FAM135B: variants seen among roughly 807,000 people sequenced by gnomAD.
The protein encoded by FAM135B is protein FAM135B.
In FAM135B, 43 loss-of-function variants were observed where a neutral mutation model predicts 127.7. That is an observed-to-expected ratio of 0.34 (90% confidence interval 0.26 to 0.43). The LOEUF (loss-of-function observed/expected upper bound fraction) is 0.43. Ranked by LOEUF, FAM135B falls within the 20% of genes least tolerant of loss-of-function variation. FAM135B has a pLI of 1.00. For missense variants in FAM135B, 1,558 were observed against 1,725.6 expected (o/e 0.90, Z 1.72); for synonymous variants, 670 against 665.1 (o/e 1.01, Z -0.11).
chr8:138,338,530 C>T (rs552552710), intron 2 of FAM135B, among the ~76,000 whole-genome samples: 1 of 151,858 alleles, frequency 6.6e-6, no homozygotes, highest in African/African-American at 2.4e-5. Context: ...CACTGGCCAT[C>T]AGAGAAATGC....
rs775461246 is a variant in FAM135B, at chr8:138,141,377, G to C, written c.3639-28C>G. On this transcript the variant is annotated intron_variant, in intron 16 of 19. Transcript: ENST00000395297. The surrounding 1 kb of genome is among the most constrained non-coding windows in gnomAD (Gnocchi z 4.7). ...GTGGAGAAACAGAAGGGGTACCCAT[G>C]AGTGTGACGGTGAATGCTGCTGCCC... 1.2e-6 allele frequency: 2 copies of C among 1,612,756 alleles called. No individual in the cohort carries two copies. Among genetic ancestry groups the C allele is most frequent in the Non-Finnish European group, 1.7e-6 (2 of 1,179,024 alleles).
chr8:138,241,986 T>C lies in FAM135B; in HGVS notation c.669+956A>G, dbSNP rs1401908612. Among the ~76,000 whole-genome samples the C allele has an allele frequency of 1.3e-5, 2 of 152,178 alleles. No homozygotes were observed. Among genetic ancestry groups the C allele is most frequent in the Non-Finnish European group, 2.9e-5 (2 of 68,042 alleles). On this transcript the variant is annotated intron_variant, in intron 7 of 19. Coordinates refer to ENST00000395297, the MANE Select transcript of FAM135B (RefSeq NM_015912.4). This position sits in a 1 kb window ranked among gnomAD's most constrained non-coding sequence, Gnocchi z 4.8. ...TTGATCTGGGACATCAGTTTTCTCC[T>C]GCCTTTGGACTTAGACTTGCAAGGG...
chr8:138,391,199 T>A (rs1832551317), intron 1 of FAM135B, among the ~76,000 whole-genome samples: 1 of 149,150 alleles, frequency 6.7e-6, no homozygotes, highest in Admixed American at 6.8e-5. Context: ...TGGTCCCAGA[T>A]CAGAGAGACT....
chr8:138,161,210 C>A (rs1466530368), intron 12 of FAM135B, among the ~76,000 whole-genome samples: 12 of 139,198 alleles, frequency 8.6e-5, no homozygotes, highest in Admixed American at 8.3e-4. Context: ...GGCACTCAGA[C>A]CACAGGAAAG....
At chr8:138,250,810 C>T (rs2130481837) in intron 6 of FAM135B, 31 bp downstream of exon 6, 1 of 1,609,402 alleles carries the variant, frequency 6.2e-7, no homozygotes, top group Non-Finnish European at 8.5e-7. Flanking sequence ...AGGTGGCTCC[C>T]ACATATCAGG....
chr8:138,267,984 G>C (rs1236627791), intron 3 of FAM135B, among the ~76,000 whole-genome samples: 2 of 152,192 alleles, frequency 1.3e-5, no homozygotes, highest in African/African-American at 4.8e-5. Flanking sequence ...AAGCCAGAAT[G>C]ACAATGTGGC....
chr8:138,155,858 T>A (rs1484844413), intron 12 of FAM135B, among the ~76,000 whole-genome samples: 2 of 152,058 alleles, frequency 1.3e-5, no homozygotes, highest in Non-Finnish European at 2.9e-5. Context: ...GAGATTTTAA[T>A]ACCCCACTGT....
chr8:138,344,266 T>C (rs1829248493), intron 2 of FAM135B, among the ~76,000 whole-genome samples: 1 of 152,224 alleles, frequency 6.6e-6, no homozygotes, highest in Admixed American at 6.5e-5. Context: ...CCTGTGGGGC[T>C]GCCTGTAATT....
intron 3 of FAM135B, among the ~76,000 whole-genome samples, chr8:138,289,978 G>C (rs984172296): frequency 6.6e-6 from 1 of 152,202 alleles, no homozygotes; most frequent in Non-Finnish European, 1.5e-5. Context: ...AGGAAACGTA[G>C]TTGTCAAATC....
At chr8:138,155,454 T>C (rs891081783) in intron 12 of FAM135B, among the ~76,000 whole-genome samples, 17 of 152,192 alleles carry the variant, frequency 1.1e-4, no homozygotes, top group African/African-American at 4.1e-4. Context: ...AATATTAAAC[T>C]TAAATGTAAA....
At chr8:138,178,393 G>A (rs1055929373) in intron 10 of FAM135B, 142 bp downstream of exon 10, 4 of 887,204 alleles carry the variant, frequency 4.5e-6, no homozygotes, top group Non-Finnish European at 3.4e-6. Context: ...AGTTCACAAC[G>A]CCACCCTGCA....
At chr8:138,415,437 A>C (rs984663727) in intron 1 of FAM135B, among the ~76,000 whole-genome samples, 3 of 152,158 alleles carry the variant, frequency 2.0e-5, no homozygotes, top group African/African-American at 7.2e-5. Context: ...ACAAAGACAA[A>C]TGATTTAATC....
chr8:138,456,016 T>A (rs1836757317), intron 1 of FAM135B, among the ~76,000 whole-genome samples: 1 of 152,188 alleles, frequency 6.6e-6, no homozygotes, highest in Non-Finnish European at 1.5e-5. Context: ...AAATAAATTA[T>A]CTATTCAGAA....
chr8:138,453,803 C>T (rs184252190), intron 1 of FAM135B, among the ~76,000 whole-genome samples: 153 of 152,314 alleles, frequency 1.0e-3, no homozygotes, highest in African/African-American at 3.7e-3. Context: ...TTCCAAGTTA[C>T]TTAAACTTGA....
At chr8:138,200,117 C>A (rs1586754219) in intron 7 of FAM135B, among the ~76,000 whole-genome samples, 1 of 152,190 alleles carries the variant, frequency 6.6e-6, no homozygotes, top group Non-Finnish European at 1.5e-5. Flanking sequence ...AGGGAAGAGA[C>A]CCTCTGTAGA....
intron 3 of FAM135B, among the ~76,000 whole-genome samples, chr8:138,307,837 A>T (rs1057457260): frequency 2.6e-5 from 4 of 152,082 alleles, no homozygotes; most frequent in African/African-American, 9.7e-5. Flanking sequence ...GACATCATTA[A>T]AGTCCAAATG....
At chr8:138,142,776 A>T (rs1172754688) in intron 16 of FAM135B, 1 of 415,944 alleles carries the variant, frequency 2.4e-6, no homozygotes, top group Non-Finnish European at 4.3e-6. Context: ...TTTAAGTCCA[A>T]GACTCTTTCT....
chr8:138,175,339 T>C (rs1406410013), intron 11 of FAM135B, among the ~76,000 whole-genome samples: 4 of 146,616 alleles, frequency 2.7e-5, no homozygotes, highest in Non-Finnish European at 6.0e-5. Context: ...TTTAAACACA[T>C]TGTGTTTCCA....
chr8:138,305,351 T>C (rs1284693934), intron 3 of FAM135B, among the ~76,000 whole-genome samples: 1 of 152,098 alleles, frequency 6.6e-6, no homozygotes, highest in Non-Finnish European at 1.5e-5. Flanking sequence ...CAGACCCCGC[T>C]CCCAAGCATG....
Sources: allele counts gnomAD v4.1 joint callset (sites outside exome capture counted in the v4.1 genomes callset), GRCh38; gene constraint gnomAD v4.1.1; non-coding constraint Gnocchi (gnomAD v3.1); transcripts MANE v1.5; gene names NCBI Gene and HGNC (gene_info 2026-07-23, HGNC 2026-07-21).